ADAMTS19: variants seen among roughly 807,000 people sequenced by gnomAD.
ADAMTS19 encodes ADAM metallopeptidase with thrombospondin type 1 motif 19, also known as A disintegrin and metalloproteinase with thrombospondin motifs 19.
In ADAMTS19, 93 loss-of-function variants were observed where a neutral mutation model predicts 153.3. The observed-to-expected ratio is 0.61, with a 90% CI of 0.51 to 0.72. The LOEUF is 0.72. ADAMTS19 is among the 30% of genes least tolerant of loss of function. The pLI, the probability that ADAMTS19 is intolerant of heterozygous loss-of-function variation, is 0.00. For missense variants in ADAMTS19, 1,482 were observed against 1,552.1 expected, an observed-to-expected ratio of 0.95 and a Z score of 0.76; for synonymous variants, 600 against 556.6, an observed-to-expected ratio of 1.08 and a Z score of -1.10.
intron 21 of ADAMTS19, among the ~76,000 whole-genome samples, chr5:129,709,672 C>T (rs561582605): frequency 6.6e-6 from 1 of 151,806 alleles, no homozygotes; most frequent in African/African-American, 2.4e-5. Context: ...AGTGCAAGAT[C>T]AAAGAAACAA....
rs73233688 is a variant in ADAMTS19 at position 129,718,237 on chromosome 5, A to G, written c.3312+13846A>G. 8.5e-3 allele frequency among the ~76,000 whole-genome samples: 1,301 copies of G among 152,168 alleles called. 18 individuals are homozygous for G. The highest frequency in any genetic ancestry group is 0.03 in the African/African-American group (1,250 of 41,528). ...TCACAACATATTCAGTTCTTTCTAA[A>G]TCATTCATAAGCAATCTGTTTGATT... On this transcript the variant is annotated intron_variant, in intron 21 of 22. Transcript: ENST00000274487.
intron 8 of ADAMTS19, among the ~76,000 whole-genome samples, chr5:129,605,546 A>C (rs58752227): frequency 0.06 from 9,083 of 152,244 alleles, 435 homozygotes; most frequent in African/African-American, 0.13. Flanking sequence ...AATTGTAAGC[A>C]CAACCACTGT....
intron 5 of ADAMTS19, among the ~76,000 whole-genome samples, chr5:129,528,185 A>C (rs116010678): frequency 8.7e-4 from 133 of 152,172 alleles, no homozygotes; most frequent in African/African-American, 3.0e-3. Context: ...ATGCTGCTTA[A>C]CTGGCACTTT....
chr5:129,576,844 A>G (rs902268600), intron 7 of ADAMTS19, among the ~76,000 whole-genome samples: 2 of 151,698 alleles, frequency 1.3e-5, no homozygotes, highest in Non-Finnish European at 2.9e-5. Context: ...TACCTATTCA[A>G]TTCATCTACA....
At chr5:129,563,083 G>A (rs1444487745) in intron 7 of ADAMTS19, among the ~76,000 whole-genome samples, 2 of 152,108 alleles carry the variant, frequency 1.3e-5, no homozygotes, top group Non-Finnish European at 2.9e-5. Context: ...AGAATCTCCA[G>A]ACCCTTCCCT....
At chr5:129,704,149 C>A (rs1756035710) in intron 20 of ADAMTS19, 90 bp from the exon 21 acceptor site, 6 of 1,365,712 alleles carry the variant, frequency 4.4e-6, no homozygotes, top group Non-Finnish European at 4.0e-6. Context: ...GGGCTCATAA[C>A]AGATTATTGG....
chr5:129,481,313 G>A lies in ADAMTS19; in HGVS notation c.747+19556G>A, dbSNP rs115624155. On this transcript the variant is annotated intron_variant, in intron 2 of 22. Transcript: ENST00000274487. ...ACTTTTAAATTATCATATCTTGTGAGAACGCCTTCACTATCACTAGAACAG... is the reference window on the plus strand; with the variant it reads ...ACTTTTAAATTATCATATCTTGTGAAAACGCCTTCACTATCACTAGAACAG... Among the ~76,000 whole-genome samples, 1,274 of 152,214 alleles carry A rather than the reference G, an allele frequency of 8.4e-3. 10 individuals carry two copies. The highest frequency in any genetic ancestry group is 0.012 in the Non-Finnish European group (846 of 68,020).
At chr5:129,735,184 T>G in intron 22 of ADAMTS19, 75 bp downstream of exon 22, 1 of 1,339,582 alleles carries the variant, frequency 7.5e-7, no homozygotes. Flanking sequence ...TGTATATTAC[T>G]TTAAACCTTG....
intron 8 of ADAMTS19, among the ~76,000 whole-genome samples, chr5:129,606,521 C>G (rs557156383): frequency 6.6e-6 from 1 of 152,356 alleles, no homozygotes; most frequent in East Asian, 1.9e-4. Context: ...CTGGTGTCGT[C>G]TCCTTTGCTA....
chr5:129,562,846 T>C (rs1479667528), intron 7 of ADAMTS19, among the ~76,000 whole-genome samples: 1 of 152,126 alleles, frequency 6.6e-6, no homozygotes, highest in Non-Finnish European at 1.5e-5. Context: ...CTCCAGGCAT[T>C]CTATGGAAAC....
chr5:129,725,823 A>T (rs1757185886), intron 21 of ADAMTS19, among the ~76,000 whole-genome samples: 1 of 151,972 alleles, frequency 6.6e-6, no homozygotes, highest in Non-Finnish European at 1.5e-5. Context: ...GGCTGAGGGG[A>T]GGGGTCCATT....
chr5:129,631,397 T>C (rs1752284200), intron 10 of ADAMTS19, among the ~76,000 whole-genome samples: 1 of 151,944 alleles, frequency 6.6e-6, no homozygotes, highest in Non-Finnish European at 1.5e-5. Flanking sequence ...AAATCGTCTT[T>C]TATTATGTGT....
intron 21 of ADAMTS19, among the ~76,000 whole-genome samples, chr5:129,714,602 G>T (rs1756639595): frequency 6.6e-6 from 1 of 152,088 alleles, no homozygotes; most frequent in Non-Finnish European, 1.5e-5. Flanking sequence ...CAACCAGAAA[G>T]CTCCATTTAA....
At chr5:129,547,844 A>G (rs1462268071) in intron 6 of ADAMTS19, among the ~76,000 whole-genome samples, 1 of 150,876 alleles carries the variant, frequency 6.6e-6, no homozygotes, top group African/African-American at 2.5e-5. Context: ...TCAATGGAAC[A>G]GAACAGAGCC....
At chr5:129,551,289 G>C (rs1476906998) in intron 6 of ADAMTS19, among the ~76,000 whole-genome samples, 2 of 151,248 alleles carry the variant, frequency 1.3e-5, no homozygotes, top group African/African-American at 4.8e-5. Flanking sequence ...AGCATTCTTA[G>C]GAATGCTAAG....
rs369975993 is a variant in ADAMTS19, at chr5:129,622,199, T to C, written c.1621T>C (p.Ser541Pro). Residue 541 changes from serine to proline, a missense_variant and splice_region_variant, in exon 10 of 23, where the codon TCA (serine) becomes CCA (proline). Physicochemically the swap from Ser to Pro is moderately conservative, Grantham distance 74. This residue lies in a region of ADAMTS19 where 866 missense variants were observed against 827.7 expected (regional missense o/e 1.05). Transcript: ENST00000274487. The part of the protein sequence containing the change: ...SKEDLERFLR[S>P]KASNCLLQTN... Reference sequence around the variant, plus strand: ...TTACACATACCTGCCTATTGCCAGGTCAAAGGCCAGTAACTGCTTGCTACA... The same window carrying C: ...TTACACATACCTGCCTATTGCCAGGCCAAAGGCCAGTAACTGCTTGCTACA... 3 of 1,613,948 alleles carry C rather than the reference T, an allele frequency of 1.9e-6. No individual in the cohort carries two copies. In the African/African-American group the frequency reaches 4.0e-5, roughly 22 times the overall value.
intron 11 of ADAMTS19, among the ~76,000 whole-genome samples, chr5:129,647,545 C>G (rs1753120606): frequency 1.3e-5 from 2 of 152,262 alleles, no homozygotes; most frequent in South Asian, 2.1e-4. Flanking sequence ...TAACAAATAT[C>G]TGCGCACTGC....
chr5:129,669,736 C>A (rs1281044263), intron 16 of ADAMTS19, among the ~76,000 whole-genome samples: 1 of 151,734 alleles, frequency 6.6e-6, no homozygotes, highest in African/African-American at 2.4e-5. Flanking sequence ...CTAGGAAAAC[C>A]TTTGCTGTGT....
chr5:129,694,327 C>A (rs1755462646), intron 18 of ADAMTS19, among the ~76,000 whole-genome samples: 1 of 152,062 alleles, frequency 6.6e-6, no homozygotes, highest in Non-Finnish European at 1.5e-5. Context: ...AACAAACCTG[C>A]AGGTGTACCC....
Sources: gnomAD v4.1 joint callset for allele counts (sites outside exome capture counted in the v4.1 genomes callset) on GRCh38, gnomAD v4.1.1 for gene constraint, gnomAD v4.1.1 regional missense constraint, MANE v1.5 for transcripts, NCBI Gene and HGNC (gene_info 2026-07-23, HGNC 2026-07-21) for gene names.